The following AKAP11 variants were observed in gnomAD, a reference collection of about 807,000 sequenced individuals.
AKAP11 encodes the protein A-kinase anchor protein 11.
In AKAP11, 36 loss-of-function variants were observed where a neutral mutation model predicts 146.1. That is an observed-to-expected ratio of 0.25 (90% CI 0.19 to 0.33). The LOEUF (loss-of-function observed/expected upper bound fraction) is 0.33, where lower values mean the gene tolerates loss of function less well. Among genes scored for constraint, AKAP11 ranks in the 10% least tolerant of loss-of-function variants. The pLI, the probability that AKAP11 is intolerant of heterozygous loss-of-function variation, is 1.00. For synonymous variants in AKAP11, 780 were observed against 786.5 expected, an observed-to-expected ratio of 0.99 and a Z score of 0.14; for missense variants, 2,201 against 2,197.0, an observed-to-expected ratio of 1.00 and a Z score of -0.04.
chr13:42,279,753 T>G (rs534198773), intron 1 of AKAP11, among the ~76,000 whole-genome samples: 1 of 152,210 alleles, frequency 6.6e-6, no homozygotes, highest in Non-Finnish European at 1.5e-5. Flanking sequence ...TAATTTTTAT[T>G]GTATGCCAGC....
intron 4 of AKAP11, among the ~76,000 whole-genome samples, chr13:42,293,261 A>G (rs1335808788): frequency 6.6e-6 from 1 of 152,192 alleles, no homozygotes; most frequent in East Asian, 1.9e-4. Context: ...TCCATTTTTC[A>G]TCAAAAATAT....
intron 8 of AKAP11, among the ~76,000 whole-genome samples, chr13:42,306,925 A>G (rs1471565717): frequency 1.3e-5 from 2 of 152,150 alleles, no homozygotes; most frequent in South Asian, 2.1e-4. Flanking sequence ...AGCTCAAGCA[A>G]TCCTCCTGCC....
intron 8 of AKAP11, among the ~76,000 whole-genome samples, chr13:42,306,262 T>C (rs1960252231): frequency 6.6e-6 from 1 of 152,212 alleles, no homozygotes; most frequent in East Asian, 1.9e-4. Flanking sequence ...ATTTTCCTCA[T>C]ACAGGTTGCT....
rs1961146883 is a variant in AKAP11 at position 42,322,953 on chromosome 13, A to G, written c.*3725A>G. 1 of 152,696 alleles carries G rather than the reference A, an allele frequency of 6.5e-6. No homozygotes were observed. Among genetic ancestry groups the G allele is most frequent in the Non-Finnish European group, 1.5e-5 (1 of 68,016 alleles). 9.5% of individuals were successfully genotyped at this position (152,696 alleles called of 1,614,324 possible). A position where few individuals can be genotyped will look rare whatever the true frequency, so the allele number is the denominator to read the frequency against. ...TTAAAAGTAATCCACTTTCTTGTTT[A>G]ATATACCAGATACATAGCAAAAGCA... On this transcript the variant is annotated 3_prime_UTR_variant, in exon 13 of 13. Transcript: ENST00000025301.
At chr13:42,275,077 TGCTGCTGAA>T (rs775699139) in intron 1 of AKAP11, among the ~76,000 whole-genome samples, 6 of 152,228 alleles carry the variant, frequency 3.9e-5, no homozygotes, top group Non-Finnish European at 7.3e-5. Context: ...TGTCATACAG[TGCTGCTGAA>T]GTCCATTGCA....
intron 9 of AKAP11, among the ~76,000 whole-genome samples, chr13:42,311,373 C>T (rs1180088143): frequency 1.3e-5 from 2 of 152,192 alleles, no homozygotes; most frequent in African/African-American, 2.4e-5. Context: ...GGTGATCATA[C>T]TTCCCACTTA....
chr13:42,309,007 T>C (rs941326810), intron 9 of AKAP11, among the ~76,000 whole-genome samples: 2 of 152,128 alleles, frequency 1.3e-5, no homozygotes, highest in Admixed American at 1.3e-4. Flanking sequence ...TTTCCTGACA[T>C]TAGTTAAAAT....
chr13:42,296,907 T>C (rs1959548047), intron 5 of AKAP11, 141 bp from the exon 6 acceptor site: 7 of 530,938 alleles, frequency 1.3e-5, no homozygotes, highest in Middle Eastern at 5.4e-4. Context: ...CTGTGAATAA[T>C]AAACTGTATA....
chr13:42,285,832 ACC>A (rs1005435568), intron 1 of AKAP11, among the ~76,000 whole-genome samples, 152 bp from the exon 2 acceptor site: 20 of 152,114 alleles, frequency 1.3e-4, no homozygotes, highest in African/African-American at 4.8e-4. Context: ...CTATTATCAA[ACC>A]CTTCTGCCCA....
In AKAP11 at chr13:42,298,616, A is replaced by G. The variant is rs1375104162; in HGVS notation, c.435A>G (p.Leu145=). 6.2e-7 allele frequency: 1 copy of G among 1,612,280 alleles called. No homozygotes were observed. Among genetic ancestry groups the G allele is most frequent in the Admixed American group, 1.7e-5 (1 of 59,558 alleles). The change falls in exon 7 of 13, where the codon CTA becomes CTG. Residue 145 remains leucine (L), a synonymous_variant. Coordinates refer to ENST00000025301, the MANE Select transcript of AKAP11 (RefSeq NM_016248.4). ...GGATTGATTTTATCTTTAGTCTCCT[A>G]AGTAAATATGCTACTGGTATAAGGT... is the stretch of plus-strand genomic sequence containing the variant. ...RLRIDFIFSL[L]SKYATGIRYT...
chr13:42,309,370 G>C (rs749543740), intron 9 of AKAP11, among the ~76,000 whole-genome samples: 5 of 152,254 alleles, frequency 3.3e-5, no homozygotes, highest in South Asian at 2.1e-4. Context: ...GGGAGGAAAG[G>C]GTTCTTAGCA....
chr13:42,308,618 A>G lies in AKAP11; in HGVS notation c.5273+9A>G. ...CATCATCTAAGTGAAAGGTAACTAC[A>G]CTTTTGCATATAATTGTGTAGTTTA... On this transcript the variant is annotated intron_variant, in intron 9 of 12. Transcript: ENST00000025301. 1 of 1,609,076 alleles carries G rather than the reference A, an allele frequency of 6.2e-7. No homozygotes were observed. Among genetic ancestry groups the G allele is most frequent in the Non-Finnish European group, 8.5e-7 (1 of 1,176,948 alleles).
At chr13:42,278,971 C>T (rs1390660847) in intron 1 of AKAP11, among the ~76,000 whole-genome samples, 1 of 150,842 alleles carries the variant, frequency 6.6e-6, no homozygotes, top group African/African-American at 2.4e-5. Context: ...GAAGATAGTG[C>T]TCCATTGTCT....
At position 42,299,569 on chromosome 13, in the gene AKAP11, C is replaced by G; in HGVS notation, c.823C>G (p.Pro275Ala). ...TTCAGTCACAACATCAATTTCAGAG[C>G]CTTGGACCCAAAGGAGTTTCTATAG... is the stretch of plus-strand genomic sequence containing the variant. ...KTSVTTSISEPWTQRSFYRSS... is the reference protein window; with the variant it reads ...KTSVTTSISEAWTQRSFYRSS... Residue 275 changes from proline to alanine, a missense_variant, in exon 8 of 13, where the codon CCT becomes GCT. By Grantham distance (27) the Pro-to-Ala change is conservative (BLOSUM62 -1). Transcript: ENST00000025301. The G allele has an allele frequency of 6.2e-7, 1 of 1,613,934 alleles. No individual in the cohort carries two copies. Among genetic ancestry groups the G allele is most frequent in the Non-Finnish European group, 8.5e-7 (1 of 1,179,874 alleles).
At chr13:42,288,725 T>A (rs1369448031) in intron 3 of AKAP11, among the ~76,000 whole-genome samples, 2 of 152,208 alleles carry the variant, frequency 1.3e-5, no homozygotes, top group Non-Finnish European at 2.9e-5. Context: ...ATTTTTCCTT[T>A]TTTTCTTTAT....
At chr13:42,310,576 G>A (rs1960505843) in intron 9 of AKAP11, among the ~76,000 whole-genome samples, 1 of 152,172 alleles carries the variant, frequency 6.6e-6, no homozygotes, top group Non-Finnish European at 1.5e-5. Flanking sequence ...ATTTGGGCTG[G>A]GCGCGGTGAT....
At chr13:42,282,260 C>CT (rs768248255) in intron 1 of AKAP11, among the ~76,000 whole-genome samples, 2,529 of 112,336 alleles carry the variant, frequency 0.023, 39 homozygotes, top group African/African-American at 0.046. Flanking sequence ...CTAGGCCAGT[C>CT]TTTTTTTTTT....
chr13:42,305,529 T>TA (rs1302599314), intron 8 of AKAP11, among the ~76,000 whole-genome samples: 1 of 152,202 alleles, frequency 6.6e-6, no homozygotes, highest in Admixed American at 6.5e-5. Flanking sequence ...TGTTTTTTTT[T>TA]AATGGTTGAA....
chr13:42,306,179 AATAAAC>A (rs1188411537), intron 8 of AKAP11, among the ~76,000 whole-genome samples: 4 of 152,228 alleles, frequency 2.6e-5, no homozygotes, highest in African/African-American at 9.6e-5. Flanking sequence ...CTAGTATGAT[AATAAAC>A]ATAATAAATT....
Sources: allele counts gnomAD v4.1 joint callset (sites outside exome capture counted in the v4.1 genomes callset), GRCh38; gene constraint gnomAD v4.1.1; transcripts MANE v1.5; gene names NCBI Gene and HGNC (gene_info 2026-07-23, HGNC 2026-07-21).